PRKAR1B: variants seen among roughly 807,000 people sequenced by gnomAD.
PRKAR1B encodes cAMP-dependent protein kinase type I-beta regulatory subunit.
A neutral mutation model predicts 46.5 loss-of-function variants in PRKAR1B; 22 were observed. The ratio of observed to expected loss-of-function variants is 0.47; its 90% CI spans 0.34 to 0.68. PRKAR1B has a LOEUF of 0.68. Ranked by LOEUF, PRKAR1B falls within the 30% of genes least tolerant of loss-of-function variation. PRKAR1B has a pLI of 0.01. For synonymous variants in PRKAR1B, 259 were observed against 217.7 expected (o/e 1.19, Z -1.67); for missense variants, 445 against 535.6 (o/e 0.83, Z 1.67).
chr7:699,409 G>A (rs1411067939), intron 2 of PRKAR1B, among the ~76,000 whole-genome samples: 2 of 152,182 alleles, frequency 1.3e-5, no homozygotes, highest in Non-Finnish European at 2.9e-5. Flanking sequence ...CCCTCCCAAC[G>A]CAGGAACAGC....
rs138028748 is a variant in PRKAR1B, at chr7:724,443, C to G, written c.-23+2767G>C. 1.1e-4 allele frequency among the ~76,000 whole-genome samples: 17 copies of G among 152,316 alleles called. No individual in the cohort carries two copies. The East Asian group carries it at 3.3e-3, about 29-fold the overall frequency. ...CCCTGCACAGGCTCTCTCATTTTCT[C>G]TTTGCCTGCTGCCATCATGTAAGAT... On this transcript the variant is annotated intron_variant, in intron 1 of 10. Coordinates refer to ENST00000537384, the MANE Select transcript of PRKAR1B (RefSeq NM_001164760.2).
chr7:676,974 G>A (rs534109318), intron 4 of PRKAR1B, among the ~76,000 whole-genome samples: 15 of 148,108 alleles, frequency 1.0e-4, no homozygotes, highest in African/African-American at 3.0e-4. Context: ...GGTGACTCCC[G>A]GGCAAGCAAT....
At chr7:608,821 GCCGGGGGGC>G (rs1241027080) in intron 4 of PRKAR1B, among the ~76,000 whole-genome samples, 3 of 37,222 alleles carry the variant, frequency 8.1e-5, no homozygotes, top group Non-Finnish European at 1.0e-4. Flanking sequence ...TGTAGGGAGG[GCCGGGGGGC>G]CTCCACTGTC....
chr7:551,718 G>C, intron 9 of PRKAR1B, among the ~76,000 whole-genome samples: 1 of 141,058 alleles, frequency 7.1e-6, no homozygotes, highest in East Asian at 2.1e-4. Context: ...TCCTTCTCCA[G>C]AGCCACTGCC....
chr7:653,987 T>C (rs922425502), intron 4 of PRKAR1B, among the ~76,000 whole-genome samples: 28 of 150,602 alleles, frequency 1.9e-4, no homozygotes, highest in Non-Finnish European at 3.4e-4. Flanking sequence ...ATCATCATCA[T>C]TGCCGTCTTC....
chr7:651,220 G>A (rs759283548), intron 4 of PRKAR1B, among the ~76,000 whole-genome samples: 7 of 152,208 alleles, frequency 4.6e-5, no homozygotes, highest in Admixed American at 3.3e-4. Context: ...CCTCAAGTCC[G>A]CAGGGACCTG....
In PRKAR1B at chr7:575,170, A is replaced by C. The variant is rs186186857; in HGVS notation, c.891+4086T>G. Among the ~76,000 whole-genome samples, 93 of 152,380 alleles carry C rather than the reference A, an allele frequency of 6.1e-4. No individual in the cohort carries two copies. The East Asian group carries it at 0.016, about 27-fold the overall frequency. On this transcript the variant is annotated intron_variant, in intron 9 of 10. Coordinates refer to ENST00000537384, the MANE Select transcript of PRKAR1B (RefSeq NM_001164760.2). The stretch of plus-strand genomic sequence containing the variant: ...CGGGGTCTCCCCTGGGGTTGCATCC[A>C]GATGGAGGCAGGGGTGACCTCATCG...
intron 4 of PRKAR1B, among the ~76,000 whole-genome samples, chr7:622,860 G>A (rs1285666430): frequency 6.6e-6 from 1 of 152,198 alleles, no homozygotes; most frequent in African/African-American, 2.4e-5. Context: ...CTATCCAGGG[G>A]GAAAGAGTGG....
chr7:605,795 G>A (rs1468006770), intron 6 of PRKAR1B, among the ~76,000 whole-genome samples: 1 of 152,170 alleles, frequency 6.6e-6, no homozygotes, highest in Non-Finnish European at 1.5e-5. Context: ...GGGTCTCTAA[G>A]CACGTCGCTC....
At chr7:596,333 CG>C in intron 6 of PRKAR1B, 29 bp from the exon 7 acceptor site, 2 of 1,589,642 alleles carry the variant, frequency 1.3e-6, no homozygotes, top group Non-Finnish European at 1.7e-6. Flanking sequence ...AGAAGTGTCA[CG>C]GGGGCCAGGC....
chr7:713,225 A>G (rs1418407360), intron 1 of PRKAR1B: 1 of 152,248 alleles, frequency 6.6e-6, no homozygotes, highest in Non-Finnish European at 1.5e-5. Flanking sequence ...CCCTCCCCAG[A>G]GGCTCCAAAT....
intron 6 of PRKAR1B, among the ~76,000 whole-genome samples, chr7:597,521 C>T (rs969602342): frequency 1.3e-5 from 2 of 152,232 alleles, no homozygotes; most frequent in Admixed American, 6.5e-5. Flanking sequence ...CCAGCTTCCC[C>T]CCAGTGATCC....
intron 8 of PRKAR1B, among the ~76,000 whole-genome samples, chr7:583,034 G>A (rs1055409781): frequency 1.1e-4 from 16 of 152,168 alleles, no homozygotes; most frequent in Admixed American, 7.2e-4. Context: ...ACAGAGACCA[G>A]GAGGGTCCGG....
At chr7:679,646 T>C (rs927990387) in intron 3 of PRKAR1B, among the ~76,000 whole-genome samples, 3 of 152,226 alleles carry the variant, frequency 2.0e-5, no homozygotes, top group Non-Finnish European at 4.4e-5. Context: ...GTGGTGATGA[T>C]TCCACAACAA....
chr7:665,071 G>C (rs1785829512), intron 4 of PRKAR1B, among the ~76,000 whole-genome samples: 1 of 152,154 alleles, frequency 6.6e-6, no homozygotes, highest in Non-Finnish European at 1.5e-5. Flanking sequence ...TGTCACTGTG[G>C]TATTAGATAG....
At chr7:584,679 A>G in intron 7 of PRKAR1B, 111 bp from the exon 8 acceptor site, 1 of 902,882 alleles carries the variant, frequency 1.1e-6, no homozygotes, top group Non-Finnish European at 1.8e-6. Context: ...GAGACCCTCC[A>G]AGCATTCCAA....
chr7:612,385 G>A lies in PRKAR1B; in HGVS notation c.441-4933C>T, dbSNP rs866556717. The stretch of plus-strand genomic sequence containing the variant: ...AGGTGGGTGGATGTACAAGTGGGTG[G>A]GTGGATGGATAGATGGATGGATGGA... On this transcript the variant is annotated intron_variant, in intron 4 of 10. Coordinates refer to ENST00000537384, the MANE Select transcript of PRKAR1B (RefSeq NM_001164760.2). Among the ~76,000 whole-genome samples the A allele has an allele frequency of 6.0e-5, 9 of 149,984 alleles. No homozygotes were observed. The Middle Eastern group carries it at 0.022, about 360-fold the overall frequency.
intron 1 of PRKAR1B, among the ~76,000 whole-genome samples, chr7:726,330 G>A (rs1390259985): frequency 6.6e-6 from 1 of 152,176 alleles, no homozygotes; most frequent in Admixed American, 6.5e-5. Context: ...GGGGCTCTAG[G>A]CGGCTCAAAC....
intron 8 of PRKAR1B, among the ~76,000 whole-genome samples, chr7:583,396 C>CTCT (rs1362772922): frequency 6.7e-6 from 1 of 149,490 alleles, no homozygotes; most frequent in South Asian, 2.1e-4. Flanking sequence ...CACTCACACC[C>CTCT]CCCACACGTG....
Sources: allele counts gnomAD v4.1 joint callset (sites outside exome capture counted in the v4.1 genomes callset), GRCh38; gene constraint gnomAD v4.1.1; transcripts MANE v1.5; gene names NCBI Gene and HGNC (gene_info 2026-07-23, HGNC 2026-07-21).